The following TMOD1 variants were observed in gnomAD, a reference collection of about 807,000 sequenced individuals.
The protein encoded by TMOD1 is tropomodulin 1.
In TMOD1, 17 loss-of-function variants were observed where a neutral mutation model predicts 40.6. The ratio of observed to expected loss-of-function variants is 0.42; its 90% confidence interval spans 0.29 to 0.63. TMOD1 has a LOEUF of 0.63. TMOD1 is among the 20% of genes least tolerant of loss of function. The probability of loss-of-function intolerance (pLI) is 0.22; values close to 1 mark genes in which losing one functional copy is unlikely to be tolerated. For missense variants in TMOD1, 391 were observed against 447.6 expected (o/e 0.87, Z 1.14); for synonymous variants, 181 against 175.0 (o/e 1.03, Z -0.27).
At chr9:97,592,681 T>C (rs1826026157) in intron 9 of TMOD1, among the ~76,000 whole-genome samples, 1 of 152,172 alleles carries the variant, frequency 6.6e-6, no homozygotes, top group South Asian at 2.1e-4. Flanking sequence ...TAGGAGTGAA[T>C]GCTCAAGGCA....
chr9:97,502,567 G>T lies in TMOD1; in HGVS notation c.-49+764G>T, dbSNP rs919732237. Among the ~76,000 whole-genome samples the T allele has an allele frequency of 6.6e-6, 1 of 152,156 alleles. No homozygotes were observed. The highest frequency in any genetic ancestry group is 1.5e-5 in the Non-Finnish European group (1 of 68,022). On this transcript the variant is annotated intron_variant, in intron 1 of 9. Coordinates refer to ENST00000259365, the MANE Select transcript of TMOD1 (RefSeq NM_003275.4). The surrounding 1 kb of genome is among the most constrained non-coding windows in gnomAD (Gnocchi z 6.1). ...GCTGGGAGCCCAAGCCCTGAGAGCT[G>T]CAGGGCGCGCTCTTGGCCGCCTGCG...
At chr9:97,517,202 G>A (rs775471008) in intron 1 of TMOD1, among the ~76,000 whole-genome samples, 4 of 151,860 alleles carry the variant, frequency 2.6e-5, no homozygotes, top group Non-Finnish European at 4.4e-5. Flanking sequence ...TTTTTTAAAT[G>A]AGCTGGGCAT....
At chr9:97,536,592 C>T (rs975283021) in intron 2 of TMOD1, among the ~76,000 whole-genome samples, 2 of 152,096 alleles carry the variant, frequency 1.3e-5, no homozygotes, top group Non-Finnish European at 2.9e-5. Context: ...TCACGTGCGG[C>T]CACATCTGGT....
intron 8 of TMOD1, among the ~76,000 whole-genome samples, chr9:97,582,122 T>G (rs1249704774): frequency 2.0e-5 from 3 of 152,210 alleles, no homozygotes; most frequent in Non-Finnish European, 4.4e-5. Flanking sequence ...CTAGGGTTTT[T>G]ATGGTTTTAG....
At position 97,531,042 on chromosome 9, in the gene TMOD1, C is replaced by G. The variant is rs561944752; in HGVS notation, c.120+6734C>G. 4.3e-5 allele frequency among the ~76,000 whole-genome samples: 6 copies of G among 138,318 alleles called. 1 individual carries two copies. The highest frequency in any genetic ancestry group is 6.5e-5 in the Non-Finnish European group (4 of 61,852). The allele number at this position is 138,318 out of a possible 152,430, so 90.7% of individuals were successfully genotyped here. ...ACCTTAGGTGATCCACACCCACCCC[C>G]CCCACCACCCCTTGGCCTCCCAAAG... On this transcript the variant is annotated intron_variant, in intron 2 of 9. Transcript: ENST00000259365.
chr9:97,563,569 G>A (rs1456575665), intron 5 of TMOD1, among the ~76,000 whole-genome samples: 1 of 152,006 alleles, frequency 6.6e-6, no homozygotes, highest in Non-Finnish European at 1.5e-5. Context: ...CCTTTCCTGT[G>A]CCAATATTGC....
chr9:97,509,353 A>G (rs1013282711), intron 1 of TMOD1, among the ~76,000 whole-genome samples: 8 of 152,204 alleles, frequency 5.3e-5, no homozygotes, highest in African/African-American at 1.7e-4. Flanking sequence ...CAAAGCTTCT[A>G]TTATAAGGTA....
Position 97,601,652 on chromosome 9 carries a change from A to G in TMOD1, c.*1954A>G, listed in dbSNP as rs79375690. 5.9e-3 allele frequency: 5,247 copies of G among 884,428 alleles called. 220 individuals are homozygous for G. The African/African-American group carries it at 0.088, about 15-fold the overall frequency. The allele number at this position is 884,428 out of a possible 1,614,324, so 54.8% of individuals were successfully genotyped here. On this transcript the variant is annotated 3_prime_UTR_variant, in exon 10 of 10. Coordinates refer to ENST00000259365, the MANE Select transcript of TMOD1 (RefSeq NM_003275.4). ...AAAAATTTCCGATTTTGCAGGCCAC[A>G]TAGTGTCTGTTGCAACTATTCAACT...
intron 2 of TMOD1, among the ~76,000 whole-genome samples, chr9:97,537,297 T>C (rs941287389): frequency 6.6e-6 from 1 of 152,270 alleles, no homozygotes; most frequent in African/African-American, 2.4e-5. Flanking sequence ...TGCACATGTG[T>C]GCACATGTGT....
At chr9:97,551,014 A>ATTTT (rs55700746) in intron 3 of TMOD1, among the ~76,000 whole-genome samples, 28 of 104,224 alleles carry the variant, frequency 2.7e-4, no homozygotes, top group Non-Finnish European at 3.8e-4. Flanking sequence ...ATATATATAT[A>ATTTT]TTTTTTTTTT....
intron 3 of TMOD1, among the ~76,000 whole-genome samples, chr9:97,547,595 G>T (rs1830385559): frequency 6.6e-6 from 1 of 152,214 alleles, no homozygotes; most frequent in African/African-American, 2.4e-5. Context: ...GCATCTGGCA[G>T]GAAATGAATG....
intron 1 of TMOD1, among the ~76,000 whole-genome samples, chr9:97,514,656 A>G (rs917822236): frequency 2.6e-5 from 4 of 152,148 alleles, no homozygotes; most frequent in African/African-American, 4.8e-5. Flanking sequence ...ATTCAGCTGG[A>G]AACTCTGCAG....
rs1830660271 is a variant in TMOD1, at chr9:97,562,748, C to T, written c.414C>T (p.His138=). Residue 138 remains histidine, a synonymous_variant, in exon 5 of 10, where the codon CAC becomes CAT. Transcript: ENST00000259365. The part of the protein sequence containing the change: ...LCDIAAILGM[H]TLMSNQQYYQ... ...TCCCTGCAGCGATCCTGGGCATGCA[C>T]ACGCTCATGAGTAACCAGCAGTACT... The T allele has an allele frequency of 6.4e-7, 1 of 1,566,078 alleles. No individual in the cohort carries two copies. The highest frequency in any genetic ancestry group is 1.4e-5 in the African/African-American group (1 of 71,594).
chr9:97,560,904 T>C (rs1563991088), intron 4 of TMOD1, among the ~76,000 whole-genome samples: 1 of 151,856 alleles, frequency 6.6e-6, no homozygotes, highest in Non-Finnish European at 1.5e-5. Context: ...CCAAGTCAAG[T>C]GGGTGCAGAG....
intron 9 of TMOD1, among the ~76,000 whole-genome samples, chr9:97,593,463 A>AG (rs1396925565): frequency 6.6e-6 from 1 of 152,022 alleles, no homozygotes; most frequent in Non-Finnish European, 1.5e-5. Context: ...GGGTGGGGGT[A>AG]GGGGGTCTAG....
At chr9:97,560,142 TA>T (rs10716667) in intron 4 of TMOD1, among the ~76,000 whole-genome samples, 79,853 of 150,908 alleles carry the variant, frequency 0.53, 21,059 homozygotes, top group Middle Eastern at 0.61. Context: ...GGATATTTTT[TA>T]AAAAATCACC....
chr9:97,531,785 C>T (rs1406834322), intron 2 of TMOD1, among the ~76,000 whole-genome samples: 1 of 152,142 alleles, frequency 6.6e-6, no homozygotes, highest in Non-Finnish European at 1.5e-5. Context: ...CTGTCCTGGA[C>T]ACACTTGGTG....
intron 2 of TMOD1, among the ~76,000 whole-genome samples, chr9:97,529,121 T>C (rs547627197): frequency 3.3e-4 from 50 of 152,240 alleles, no homozygotes; most frequent in African/African-American, 1.1e-3. Context: ...CATGGGAGTG[T>C]TCAGGGAGAG....
At chr9:97,551,856 C>T (rs1424978032) in intron 3 of TMOD1, among the ~76,000 whole-genome samples, 1 of 152,124 alleles carries the variant, frequency 6.6e-6, no homozygotes, top group Non-Finnish European at 1.5e-5. Context: ...TCTTTAATTT[C>T]CTTCAGTAAT....
Sources: gnomAD v4.1 joint callset for allele counts (sites outside exome capture counted in the v4.1 genomes callset) on GRCh38, gnomAD v4.1.1 for gene constraint, Gnocchi (gnomAD v3.1) non-coding constraint, MANE v1.5 for transcripts, NCBI Gene and HGNC (gene_info 2026-07-23, HGNC 2026-07-21) for gene names.